The following IKZF2 variants were observed in gnomAD, a reference collection of about 807,000 sequenced individuals.
IKZF2 encodes the protein IKAROS family zinc finger 2.
A neutral mutation model predicts 49.2 loss-of-function variants in IKZF2; 15 were observed. That is an observed-to-expected ratio of 0.30 (90% CI 0.20 to 0.47). The LOEUF is 0.47. Ranked by LOEUF, IKZF2 falls within the 20% of genes least tolerant of loss-of-function variation. The probability of loss-of-function intolerance (pLI) is 1.00; values close to 1 mark genes in which losing one functional copy is unlikely to be tolerated. For synonymous variants in IKZF2, 227 were observed against 221.4 expected, an observed-to-expected ratio of 1.03 and a Z score of -0.23; for missense variants, 567 against 664.6, an observed-to-expected ratio of 0.85 and a Z score of 1.61.
At chr2:213,054,108 G>A (rs1402532263) in intron 5 of IKZF2, among the ~76,000 whole-genome samples, 6 of 152,076 alleles carry the variant, frequency 3.9e-5, no homozygotes, top group Non-Finnish European at 8.8e-5. Context: ...GCTGGGCCTG[G>A]TGGTGGGCAC....
chr2:213,051,365 G>T (rs1218986266), intron 5 of IKZF2, among the ~76,000 whole-genome samples: 1 of 151,832 alleles, frequency 6.6e-6, no homozygotes, highest in Non-Finnish European at 1.5e-5. Context: ...CTGTGGGTGT[G>T]GTGGGGGTTA....
chr2:213,123,491 T>C (rs2060123226), intron 4 of IKZF2, among the ~76,000 whole-genome samples: 1 of 152,188 alleles, frequency 6.6e-6, no homozygotes, highest in South Asian at 2.1e-4. Flanking sequence ...TAAAAGGATA[T>C]ACCTAATGTA....
chr2:213,031,142 C>A (rs955018390), intron 6 of IKZF2, among the ~76,000 whole-genome samples: 1 of 152,168 alleles, frequency 6.6e-6, no homozygotes, highest in Non-Finnish European at 1.5e-5. Flanking sequence ...ATACTGTTTA[C>A]TCTTCTTTAA....
chr2:213,053,404 T>G (rs1700858432), intron 5 of IKZF2, among the ~76,000 whole-genome samples: 1 of 152,204 alleles, frequency 6.6e-6, no homozygotes, highest in Admixed American at 6.5e-5. Context: ...TTTATGTACC[T>G]TCATAAACAC....
At chr2:213,072,638 G>A (rs957992302) in intron 4 of IKZF2, among the ~76,000 whole-genome samples, 5 of 151,986 alleles carry the variant, frequency 3.3e-5, no homozygotes, top group African/African-American at 1.2e-4. Context: ...TGAAAGTTAA[G>A]TCTGTTAAGA....
Position 213,139,835 on chromosome 2 carries a change from T to C in IKZF2, c.139+7873A>G, listed in dbSNP as rs139680414. 7.2e-4 allele frequency among the ~76,000 whole-genome samples: 109 copies of C among 152,088 alleles called. 1 individual carries two copies. The highest frequency in any genetic ancestry group is 2.4e-3 in the African/African-American group (99 of 41,544). ...CTGTACATCCTCAAATTTACACACA[T>C]TTGAAAAACTCTTGGAGGTAAAAGG... On this transcript the variant is annotated intron_variant, in intron 4 of 8. Transcript: ENST00000434687.
intron 5 of IKZF2, among the ~76,000 whole-genome samples, chr2:213,051,866 A>G (rs1187798289): frequency 6.6e-6 from 1 of 152,024 alleles, no homozygotes; most frequent in African/African-American, 2.4e-5. Context: ...ACTTTACAAG[A>G]GTTAAATTAC....
intron 4 of IKZF2, among the ~76,000 whole-genome samples, chr2:213,087,683 G>A (rs988214516): frequency 1.3e-5 from 2 of 152,044 alleles, no homozygotes; most frequent in Admixed American, 1.3e-4. Flanking sequence ...CCCAGTGTGT[G>A]ATGTTCCCCA....
intron 6 of IKZF2, among the ~76,000 whole-genome samples, chr2:213,039,802 AT>A (rs1699432973): frequency 6.6e-6 from 1 of 152,152 alleles, no homozygotes; most frequent in African/African-American, 2.4e-5. Flanking sequence ...ATTTAATAGC[AT>A]TATTGAAAAT....
At chr2:213,124,337 G>A (rs1263786204) in intron 4 of IKZF2, among the ~76,000 whole-genome samples, 4 of 150,936 alleles carry the variant, frequency 2.7e-5, no homozygotes, top group African/African-American at 9.7e-5. Context: ...ATTTTTAAAT[G>A]TGATTTTACA....
upstream of IKZF2, chr2:213,152,256 G>C (rs945918986): frequency 6.6e-6 from 1 of 152,260 alleles, no homozygotes; most frequent in African/African-American, 2.4e-5. Flanking sequence ...CGCCCTGCGC[G>C]GAGTCCGGGA....
At chr2:213,106,413 A>C (rs1225696087) in intron 4 of IKZF2, among the ~76,000 whole-genome samples, 2 of 151,832 alleles carry the variant, frequency 1.3e-5, no homozygotes, top group African/African-American at 4.8e-5. Context: ...CCGCGGCTGG[A>C]GAATCGCTTG....
intron 4 of IKZF2, among the ~76,000 whole-genome samples, chr2:213,068,482 C>T (rs760235852): frequency 1.3e-5 from 2 of 151,968 alleles, no homozygotes; most frequent in Non-Finnish European, 2.9e-5. Flanking sequence ...TCTTAAGGTC[C>T]CTTCAATCTA....
chr2:213,049,944 C>A, intron 5 of IKZF2, 64 bp from the exon 6 acceptor site: 1 of 1,171,402 alleles, frequency 8.5e-7, no homozygotes, highest in Non-Finnish European at 1.1e-6. Context: ...AATTTGCCAT[C>A]CACTGTTAAC....
At chr2:213,064,770 A>G (rs1361126709) in intron 4 of IKZF2, among the ~76,000 whole-genome samples, 1 of 151,976 alleles carries the variant, frequency 6.6e-6, no homozygotes, top group Non-Finnish European at 1.5e-5. Flanking sequence ...GGGCAATACA[A>G]CTACTTTAAG....
chr2:213,051,525 C>A (rs1159954816), intron 5 of IKZF2, among the ~76,000 whole-genome samples: 1 of 151,784 alleles, frequency 6.6e-6, no homozygotes, highest in Non-Finnish European at 1.5e-5. Context: ...ATCTATATCT[C>A]CTCATATAAA....
At position 213,008,092 on chromosome 2, in the gene IKZF2, G is replaced by T; in HGVS notation, c.857-8C>A. On this transcript the variant is annotated splice_polypyrimidine_tract_variant and splice_region_variant and intron_variant, in intron 8 of 8. Coordinates refer to ENST00000434687, the MANE Select transcript of IKZF2 (RefSeq NM_001387220.1). The stretch of plus-strand genomic sequence containing the variant: ...ATCGCATGAGCTTTTCCCCTGGAAG[G>T]GAGTGGGAGGTGAAAGAAGTAAAAA... The T allele has an allele frequency of 1.9e-6, 3 of 1,559,186 alleles. No homozygotes were observed. Among genetic ancestry groups the T allele is most frequent in the South Asian group, 2.4e-5 (2 of 82,716 alleles).
chr2:213,108,727 G>A lies in IKZF2; in HGVS notation c.139+38981C>T, dbSNP rs144838264. Among the ~76,000 whole-genome samples, 48 of 151,898 alleles carry A rather than the reference G, an allele frequency of 3.2e-4. 1 individual carries two copies. The highest frequency in any genetic ancestry group is 1.1e-3 in the African/African-American group (44 of 41,404). On this transcript the variant is annotated intron_variant, in intron 4 of 8. Transcript: ENST00000434687. ...TCTACTCATCCTACAATTCAATCTCGAAGAATACATAAACATAAAAAAGCA... is the reference window on the plus strand; with the variant it reads ...TCTACTCATCCTACAATTCAATCTCAAAGAATACATAAACATAAAAAAGCA...
At chr2:213,120,112 A>T (rs550655552) in intron 4 of IKZF2, among the ~76,000 whole-genome samples, 1 of 152,330 alleles carries the variant, frequency 6.6e-6, no homozygotes, top group South Asian at 2.1e-4. Flanking sequence ...TTCATAAAAC[A>T]ATGGGAAGTG....
Sources: allele counts gnomAD v4.1 joint callset (sites outside exome capture counted in the v4.1 genomes callset), GRCh38; gene constraint gnomAD v4.1.1; transcripts MANE v1.5; gene names NCBI Gene and HGNC (gene_info 2026-07-23, HGNC 2026-07-21).